The following MYH9 variants were observed in gnomAD, a reference collection of about 807,000 sequenced individuals.
MYH9 encodes myosin-9.
In MYH9, 29 loss-of-function variants were observed where a neutral mutation model predicts 241.9. That is an observed-to-expected ratio of 0.12 (90% CI 0.09 to 0.16). The LOEUF is 0.16. Ranked by LOEUF, MYH9 falls within the 10% of genes least tolerant of loss-of-function variation. The pLI is 1.00. For missense variants in MYH9, 1,803 were observed against 2,595.5 expected (o/e 0.69, Z 6.63); for synonymous variants, 1,047 against 1,062.6 (o/e 0.99, Z 0.29).
At chr22:36,358,223 C>A (rs1376874222) in intron 1 of MYH9, among the ~76,000 whole-genome samples, 1 of 152,186 alleles carries the variant, frequency 6.6e-6, no homozygotes, top group Non-Finnish European at 1.5e-5. Context: ...CACCGCCACA[C>A]CCGGCTAATT....
Position 36,282,617 on chromosome 22 carries a change from G to C in MYH9, c.*51C>G. 1 of 1,546,158 alleles carries C rather than the reference G, an allele frequency of 6.5e-7. No individual in the cohort carries two copies. Among genetic ancestry groups the C allele is most frequent in the African/African-American group, 1.4e-5 (1 of 73,652 alleles). On this transcript the variant is annotated 3_prime_UTR_variant, in exon 41 of 41. Transcript: ENST00000216181. ...GGCGTGCTGCGGGGTCTGGGAAGGGGAGGCTGTGGTGTCTGTCTGTCCATC... is the reference window on the plus strand; with the variant it reads ...GGCGTGCTGCGGGGTCTGGGAAGGGCAGGCTGTGGTGTCTGTCTGTCCATC...
Position 36,295,208 on chromosome 22 carries a change from C to T in MYH9, c.3486-132G>A. 1.6e-6 allele frequency: 2 copies of T among 1,230,062 alleles called. No homozygotes were observed. The highest frequency in any genetic ancestry group is 2.4e-6 in the Non-Finnish European group (2 of 845,992). The allele number at this position is 1,230,062 out of a possible 1,614,324, so 76.2% of individuals were successfully genotyped here. ...CAGGCAGCTTTTCTACCCACCGGCC[C>T]CTCCTAGCCATCTATCCCATAGCCC... On this transcript the variant is annotated intron_variant, in intron 26 of 40. Coordinates refer to ENST00000216181, the MANE Select transcript of MYH9 (RefSeq NM_002473.6). This position sits in a 1 kb window ranked among gnomAD's most constrained non-coding sequence, Gnocchi z 4.1.
chr22:36,302,515 T>TG, intron 20 of MYH9, 53 bp downstream of exon 20: 1 of 1,414,642 alleles, frequency 7.1e-7, no homozygotes, highest in Non-Finnish European at 9.9e-7. Flanking sequence ...CAGGTATGTA[T>TG]GGTGGTGTGC....
chr22:36,291,331 A>C (rs1307817487), intron 31 of MYH9, among the ~76,000 whole-genome samples: 1 of 152,206 alleles, frequency 6.6e-6, no homozygotes, highest in Non-Finnish European at 1.5e-5. Context: ...TTTGTTGTGT[A>C]CAAGAAAAAT....
At chr22:36,337,804 G>A (rs186883926) in intron 3 of MYH9, among the ~76,000 whole-genome samples, 1 of 152,224 alleles carries the variant, frequency 6.6e-6, no homozygotes, top group East Asian at 1.9e-4. Flanking sequence ...TGCAGACCCC[G>A]AGGCTCCACG....
At chr22:36,379,550 A>G (rs1416002261) in intron 1 of MYH9, among the ~76,000 whole-genome samples, 1 of 152,188 alleles carries the variant, frequency 6.6e-6, no homozygotes, top group Non-Finnish European at 1.5e-5. Flanking sequence ...ATCTTGGCCT[A>G]AGAAGGCAAG....
rs1237506838 is a variant in MYH9 at position 36,293,437 on chromosome 22, G to A, written c.3987C>T (p.Thr1329=). The A allele has an allele frequency of 1.2e-6, 2 of 1,613,802 alleles. No homozygotes were observed. The highest frequency in any genetic ancestry group is 1.7e-6 in the Non-Finnish European group (2 of 1,180,026). Residue 1329 remains threonine, a synonymous_variant, in exon 30 of 41, where the codon ACC becomes ACT. Coordinates refer to ENST00000216181, the MANE Select transcript of MYH9 (RefSeq NM_002473.6). The surrounding 1 kb of genome is among the most constrained non-coding windows in gnomAD (Gnocchi z 5.1). ...EENRQKLSLS[T]KLKQVEDEKN... Reference sequence around the variant, plus strand: ...TCTCGTCCTCCACCTGCTTGAGCTTGGTGCTCAGGCTCAGCTTCTGCCGGT... The same window carrying A: ...TCTCGTCCTCCACCTGCTTGAGCTTAGTGCTCAGGCTCAGCTTCTGCCGGT...
rs777968148 is a variant in MYH9 at position 36,285,190 on chromosome 22, T to C, written c.5414A>G (p.Tyr1805Cys). Residue 1805 changes from tyrosine (Y) to cysteine (C), a missense_variant, in exon 38 of 41, where the codon TAC (tyrosine) becomes TGC (cysteine). Physicochemically the swap from Tyr to Cys is radical, Grantham distance 194 (BLOSUM62 -2). Transcript: ENST00000216181. This position sits in a 1 kb window ranked among gnomAD's most constrained non-coding sequence, Gnocchi z 7.0. ...CTCGAGGGCGGTGATGGAGGCCTTG[T>C]ACTTGGACTTGACAGTGCCCTCCAT... is the stretch of plus-strand genomic sequence containing the variant. ...QEMEGTVKSK[Y>C]KASITALEAK... 2 of 1,614,180 alleles carry C rather than the reference T, an allele frequency of 1.2e-6. No individual in the cohort carries two copies. Among genetic ancestry groups the C allele is most frequent in the Non-Finnish European group, 1.7e-6 (2 of 1,180,030 alleles).
At chr22:36,308,939 G>C in intron 15 of MYH9, 1 of 888,682 alleles carries the variant, frequency 1.1e-6, no homozygotes, top group Non-Finnish European at 1.3e-6. Context: ...GAATTAAAAA[G>C]AACCACTCAA....
chr22:36,325,923 TGGGGTGAAAA>T (rs1189321059), intron 5 of MYH9, among the ~76,000 whole-genome samples: 5 of 152,004 alleles, frequency 3.3e-5, no homozygotes, highest in Non-Finnish European at 5.9e-5. Context: ...GTGACAAGTG[TGGGGTGAAAA>T]GCTGCTTAGA....
intron 40 of MYH9, among the ~76,000 whole-genome samples, chr22:36,283,251 T>G (rs548706450): frequency 1.1e-4 from 17 of 152,188 alleles, no homozygotes; most frequent in African/African-American, 4.1e-4. Flanking sequence ...AAGAGCCCCA[T>G]GAAGGCCTGG....
At chr22:36,338,685 T>G (rs1603483815) in intron 3 of MYH9, among the ~76,000 whole-genome samples, 1 of 151,976 alleles carries the variant, frequency 6.6e-6, no homozygotes, top group East Asian at 1.9e-4. Context: ...CCAGGCGTGG[T>G]AGCATGCACC....
chr22:36,306,368 C>G lies in MYH9; in HGVS notation c.2037+46G>C. 7 of 1,609,840 alleles carry G rather than the reference C, an allele frequency of 4.3e-6. No homozygotes were observed. Among genetic ancestry groups the G allele is most frequent in the Non-Finnish European group, 8.5e-7 (1 of 1,177,594 alleles). On this transcript the variant is annotated intron_variant, in intron 16 of 40. Transcript: ENST00000216181. This position sits in a 1 kb window ranked among gnomAD's most constrained non-coding sequence, Gnocchi z 4.1. The stretch of plus-strand genomic sequence containing the variant: ...GGGAGACAGACAAGGGCTGAGCACC[C>G]CACACCACAGTGCCCTGCCCGGGCC...
chr22:36,344,746 G>A (rs1008115652), intron 2 of MYH9, among the ~76,000 whole-genome samples: 2 of 152,160 alleles, frequency 1.3e-5, no homozygotes, highest in African/African-American at 4.8e-5. Flanking sequence ...GGCTTGCAAT[G>A]GAAAGACGCA....
chr22:36,359,836 A>G (rs1312272037), intron 1 of MYH9, among the ~76,000 whole-genome samples: 1 of 152,232 alleles, frequency 6.6e-6, no homozygotes, highest in Non-Finnish European at 1.5e-5. Flanking sequence ...AGTGACAGAC[A>G]GAAGTGGAAA....
chr22:36,291,872 G>A (rs2016709834), intron 31 of MYH9, 114 bp downstream of exon 31: 2 of 1,526,464 alleles, frequency 1.3e-6, no homozygotes, highest in Non-Finnish European at 1.8e-6. Flanking sequence ...GCCCCGCACG[G>A]CCCCTCCCCG....
intron 2 of MYH9, among the ~76,000 whole-genome samples, chr22:36,342,808 C>T (rs1186369359): frequency 6.6e-6 from 1 of 152,216 alleles, no homozygotes; most frequent in Non-Finnish European, 1.5e-5. Flanking sequence ...CCACGCACCA[C>T]ATCACCTACG....
chr22:36,348,844 C>A lies in MYH9; in HGVS notation c.333+60G>T. 7.4e-6 allele frequency: 8 copies of A among 1,081,546 alleles called. No homozygotes were observed. In the East Asian group the frequency reaches 1.7e-4, roughly 23 times the overall value. The allele number at this position is 1,081,546 out of a possible 1,614,324, so 67.0% of individuals were successfully genotyped here. A position where few individuals can be genotyped will look rare whatever the true frequency, so the allele number is the denominator to read the frequency against. On this transcript the variant is annotated intron_variant, in intron 2 of 40. Transcript: ENST00000216181. ...CGTGAGGGTGATGGGAAGACCCGCC[C>A]CCCCCCCCCACCTCGGAGCCCTCAG...
Position 36,282,318 on chromosome 22 carries a change from A to T in MYH9, c.*350T>A. ...TCAGTCTGAAGAAAAATAGATTCATAGAAAACTCTGGCCCCTCCCCGGGGG... is the reference window on the plus strand; with the variant it reads ...TCAGTCTGAAGAAAAATAGATTCATTGAAAACTCTGGCCCCTCCCCGGGGG... On this transcript the variant is annotated 3_prime_UTR_variant, in exon 41 of 41. Transcript: ENST00000216181. 1 of 442,796 alleles carries T rather than the reference A, an allele frequency of 2.3e-6. No individual in the cohort carries two copies. Among genetic ancestry groups the T allele is most frequent in the Non-Finnish European group, 4.1e-6 (1 of 241,730 alleles). 27.4% of individuals were successfully genotyped at this position (442,796 alleles called of 1,614,324 possible). A position where few individuals can be genotyped will look rare whatever the true frequency, so the allele number is the denominator to read the frequency against.
Sources: allele counts gnomAD v4.1 joint callset (sites outside exome capture counted in the v4.1 genomes callset), GRCh38; gene constraint gnomAD v4.1.1; non-coding constraint Gnocchi (gnomAD v3.1); transcripts MANE v1.5; gene names NCBI Gene and HGNC (gene_info 2026-07-23, HGNC 2026-07-21).